The following MAST4 variants were observed in gnomAD, a reference collection of about 807,000 sequenced individuals.
The protein encoded by MAST4 is microtubule associated serine/threonine kinase family member 4, also known as microtubule-associated serine/threonine-protein kinase 4.
Under a neutral mutation model 162.7 loss-of-function variants are expected in MAST4, and 89 were observed. That is an observed-to-expected ratio of 0.55 (90% CI 0.46 to 0.65). MAST4 has a LOEUF of 0.65. Ranked by LOEUF, MAST4 falls within the 30% of genes least tolerant of loss-of-function variation. MAST4 has a pLI of 0.00. For missense variants in MAST4, 3,153 were observed against 3,374.0 expected (o/e 0.93, Z 1.62); for synonymous variants, 1,479 against 1,361.1 (o/e 1.09, Z -1.91).
chr5:66,705,055 C>T (rs1434914931), intron 1 of MAST4, among the ~76,000 whole-genome samples: 1 of 152,142 alleles, frequency 6.6e-6, no homozygotes, highest in African/African-American at 2.4e-5. Flanking sequence ...GCTCCACAGT[C>T]ATCCATAGTT....
Position 67,126,582 on chromosome 5 carries a change from C to T in MAST4, c.1746-3628C>T, listed in dbSNP as rs556978151. ...TATATGGCATTATTTCTGAGCCCTC[C>T]GTTCTGTTCTATTGGTCTGTATATC... On this transcript the variant is annotated intron_variant, in intron 14 of 28. Transcript: ENST00000403625. Among the ~76,000 whole-genome samples, 204 of 152,108 alleles carry T rather than the reference C, an allele frequency of 1.3e-3. 1 individual carries two copies. The highest frequency in any genetic ancestry group is 4.5e-3 in the African/African-American group (187 of 41,502).
intron 1 of MAST4, among the ~76,000 whole-genome samples, chr5:66,610,839 T>C (rs904971444): frequency 1.9e-4 from 29 of 152,238 alleles, no homozygotes; most frequent in African/African-American, 6.3e-4. Flanking sequence ...CTTGAAGACA[T>C]GGCCATGACC....
intron 3 of MAST4, among the ~76,000 whole-genome samples, chr5:66,791,885 C>T (rs759766038): frequency 3.5e-4 from 53 of 152,172 alleles, no homozygotes; most frequent in Admixed American, 6.5e-5. Context: ...GCCAGACAGA[C>T]GACCATCTTG....
chr5:66,922,235 C>T (rs1439624046), intron 4 of MAST4, among the ~76,000 whole-genome samples: 2 of 152,180 alleles, frequency 1.3e-5, no homozygotes, highest in Non-Finnish European at 2.9e-5. Flanking sequence ...CCTGAGTGCT[C>T]GTCTTCCCTG....
intron 1 of MAST4, among the ~76,000 whole-genome samples, chr5:66,750,710 G>T (rs1387162986): frequency 6.6e-6 from 1 of 152,220 alleles, no homozygotes; most frequent in Non-Finnish European, 1.5e-5. Flanking sequence ...GCGGTAGCGA[G>T]GCTGGGGGAG....
intron 3 of MAST4, among the ~76,000 whole-genome samples, chr5:66,801,653 G>A (rs2149697432): frequency 6.6e-6 from 1 of 152,302 alleles, no homozygotes; most frequent in South Asian, 2.1e-4. Flanking sequence ...CAGTGAGGCT[G>A]CCTGTCTTTT....
chr5:67,165,744 A>G lies in MAST4; in HGVS notation c.6565A>G (p.Ser2189Gly), dbSNP rs972634366. 5.1e-6 allele frequency: 8 copies of G among 1,581,796 alleles called. No individual in the cohort carries two copies. Among genetic ancestry groups the G allele is most frequent in the Non-Finnish European group, 6.9e-6 (8 of 1,165,050 alleles). Residue 2189 changes from serine (S) to glycine (G), a missense_variant, in exon 29 of 29, where the codon AGC (serine) becomes GGC (glycine). Around this residue, in one of 7 missense-constraint regions of MAST4, gnomAD observed 1,644 missense variants for 1,495.0 expected, o/e 1.10. Transcript: ENST00000403625. ...PPKPVAAHSESSSHKPRPGPD... is the reference protein window; with the variant it reads ...PPKPVAAHSEGSSHKPRPGPD... Reference sequence around the variant, plus strand: ...CAAGCCTGTTGCTGCGCACAGTGAAAGCAGCAGCCACAAGCCCCGGCCTGG... The same window carrying G: ...CAAGCCTGTTGCTGCGCACAGTGAAGGCAGCAGCCACAAGCCCCGGCCTGG...
intron 4 of MAST4, among the ~76,000 whole-genome samples, chr5:66,920,792 T>C (rs906758312): frequency 1.3e-5 from 2 of 152,172 alleles, no homozygotes; most frequent in African/African-American, 4.8e-5. Context: ...TCTTTTATAA[T>C]ACTTATATTT....
At chr5:67,109,647 T>C (rs538801118) in intron 10 of MAST4, among the ~76,000 whole-genome samples, 1 of 152,308 alleles carries the variant, frequency 6.6e-6, no homozygotes, top group South Asian at 2.1e-4. Flanking sequence ...ATTGGATATA[T>C]GAAATATACT....
chr5:66,957,772 G>A (rs1308175084), intron 4 of MAST4, among the ~76,000 whole-genome samples: 4 of 152,180 alleles, frequency 2.6e-5, no homozygotes, highest in Non-Finnish European at 4.4e-5. Context: ...CCCTCCAGAA[G>A]GGCACAGAGC....
chr5:66,664,253 T>C (rs1337431306), intron 1 of MAST4, among the ~76,000 whole-genome samples: 1 of 151,770 alleles, frequency 6.6e-6, no homozygotes, highest in Non-Finnish European at 1.5e-5. Flanking sequence ...CTGGCCAACA[T>C]GGTGAAACCC....
intron 3 of MAST4, among the ~76,000 whole-genome samples, chr5:66,812,570 G>A (rs1164767689): frequency 1.3e-5 from 2 of 152,218 alleles, no homozygotes; most frequent in African/African-American, 4.8e-5. Context: ...AACATTAATA[G>A]CGTAATCTAC....
At chr5:66,624,008 A>G (rs1234606437) in intron 1 of MAST4, among the ~76,000 whole-genome samples, 1 of 152,244 alleles carries the variant, frequency 6.6e-6, no homozygotes, top group African/African-American at 2.4e-5. Flanking sequence ...CATTTACATT[A>G]GCAAGAAAAG....
At chr5:67,035,285 C>A (rs897923172) in intron 4 of MAST4, among the ~76,000 whole-genome samples, 1 of 152,042 alleles carries the variant, frequency 6.6e-6, no homozygotes, top group Non-Finnish European at 1.5e-5. Context: ...CTTTCATTAG[C>A]AAACTGTACA....
chr5:66,839,907 AG>A (rs1758296506), intron 3 of MAST4, among the ~76,000 whole-genome samples: 1 of 145,914 alleles, frequency 6.9e-6, no homozygotes, highest in Non-Finnish European at 1.5e-5. Flanking sequence ...CTCTGTTTCC[AG>A]TTTCTTTGTG....
intron 3 of MAST4, chr5:66,789,753 A>G (rs374216960): frequency 2.9e-5 from 15 of 518,700 alleles, no homozygotes; most frequent in African/African-American, 2.5e-4. Context: ...CTCTCCCACA[A>G]TCTATGAGCA....
chr5:67,142,886 C>T (rs756972862), intron 21 of MAST4: 14 of 179,210 alleles, frequency 7.8e-5, no homozygotes, highest in African/African-American at 3.1e-4. Context: ...CTTGCACCCA[C>T]AGTCTTGTTT....
intron 5 of MAST4, 136 bp downstream of exon 5, chr5:67,054,628 C>G: frequency 5.2e-6 from 4 of 763,152 alleles, no homozygotes; most frequent in Admixed American, 3.2e-5. Context: ...CTAAGTTGTT[C>G]TTTGCGATAT....
intron 14 of MAST4, among the ~76,000 whole-genome samples, chr5:67,129,882 T>C (rs1768749001): frequency 6.6e-6 from 1 of 152,250 alleles, no homozygotes; most frequent in Admixed American, 6.5e-5. Flanking sequence ...CGAATTTTGA[T>C]GTGTTTGTGG....
Sources: gnomAD v4.1 joint callset for allele counts (sites outside exome capture counted in the v4.1 genomes callset) on GRCh38, gnomAD v4.1.1 for gene constraint, gnomAD v4.1.1 regional missense constraint, MANE v1.5 for transcripts, NCBI Gene and HGNC (gene_info 2026-07-23, HGNC 2026-07-21) for gene names.